FTO: variants seen among roughly 807,000 people sequenced by gnomAD.
FTO encodes the protein FTO alpha-ketoglutarate dependent dioxygenase.
In FTO, 47 loss-of-function variants were observed where a neutral mutation model predicts 63.9. The observed-to-expected ratio is 0.74, with a 90% confidence interval of 0.58 to 0.94. FTO has a LOEUF of 0.94. Ranked by LOEUF, FTO falls within the 40% of genes least tolerant of loss-of-function variation. FTO has a pLI of 0.00. For synonymous variants in FTO, 207 were observed against 224.4 expected (o/e 0.92, Z 0.69); for missense variants, 562 against 618.1 (o/e 0.91, Z 0.96).
intron 8 of FTO, among the ~76,000 whole-genome samples, chr16:54,056,266 T>C (rs2085431416): frequency 6.6e-6 from 1 of 152,230 alleles, no homozygotes; most frequent in African/African-American, 2.4e-5. Context: ...TCTAGTTGTT[T>C]AATACTCAAC....
chr16:54,029,554 T>C (rs907920100), intron 8 of FTO, among the ~76,000 whole-genome samples: 1 of 152,208 alleles, frequency 6.6e-6, no homozygotes, highest in Non-Finnish European at 1.5e-5. Context: ...CATTAGTCCC[T>C]GTAACTCTCT....
chr16:53,872,517 G>A (rs1439292896), intron 4 of FTO, among the ~76,000 whole-genome samples: 1 of 152,122 alleles, frequency 6.6e-6, no homozygotes, highest in East Asian at 1.9e-4. Context: ...AGTAAGTTAG[G>A]GCAATTGTAG....
chr16:54,020,490 A>G (rs35236578), intron 8 of FTO, among the ~76,000 whole-genome samples: 19,578 of 152,186 alleles, frequency 0.13, 1,596 homozygotes, highest in Admixed American at 0.26. Flanking sequence ...TACATGCTCT[A>G]TGATATTACA....
intron 8 of FTO, among the ~76,000 whole-genome samples, chr16:54,017,253 A>G (rs190241160): frequency 1.4e-4 from 21 of 152,350 alleles, no homozygotes; most frequent in African/African-American, 4.6e-4. Flanking sequence ...TTGATACTTC[A>G]TCTTTGCTGC....
intron 8 of FTO, chr16:53,981,912 CAAAAA>C: frequency 1.1e-5 from 1 of 94,300 alleles, no homozygotes; most frequent in Non-Finnish European, 2.3e-5. Flanking sequence ...GCTCTGTTTC[CAAAAA>C]AAAAAAAAAA....
At chr16:54,027,463 A>T (rs1219715107) in intron 8 of FTO, among the ~76,000 whole-genome samples, 2 of 151,564 alleles carry the variant, frequency 1.3e-5, no homozygotes, top group East Asian at 1.9e-4. Context: ...GCGAAAAGAA[A>T]AAAGGACATT....
rs141920596 is a variant in FTO, at chr16:53,844,155, G to A, written c.752G>A (p.Gly251Asp). 44 of 1,613,080 alleles carry A rather than the reference G, an allele frequency of 2.7e-5. No homozygotes were observed. The highest frequency in any genetic ancestry group is 1.6e-4 in the Middle Eastern group (1 of 6,082). ...AVAVYSYSCE[G>D]PEEESEDDSH... is the part of the protein sequence containing the mutation. ...TGATCATTTTCTTCTCTTTTGGCAG[G>A]CCCTGAAGAGGAAAGTGAGGATGAC... Residue 251 changes from glycine to aspartate, a missense_variant and splice_region_variant, in exon 4 of 9, where the codon GGC (glycine) becomes GAC (aspartate). Physicochemically the swap from Gly to Asp is moderately conservative, Grantham distance 94. Transcript: ENST00000471389.
At chr16:53,959,006 G>C (rs1261821463) in intron 8 of FTO, among the ~76,000 whole-genome samples, 1 of 152,188 alleles carries the variant, frequency 6.6e-6, no homozygotes, top group Non-Finnish European at 1.5e-5. Context: ...CATGTATTAT[G>C]AATGTGTTTA....
At chr16:53,715,836 T>C (rs2075882750) in intron 1 of FTO, among the ~76,000 whole-genome samples, 1 of 152,174 alleles carries the variant, frequency 6.6e-6, no homozygotes, top group Admixed American at 6.5e-5. Context: ...AATATGTTGT[T>C]ATAGCTGAAA....
rs532624300 is a variant in FTO at position 54,112,229 on chromosome 16, A to G, written c.*314A>G. The G allele has an allele frequency of 1.0e-5, 4 of 386,914 alleles. No homozygotes were observed. Among genetic ancestry groups the G allele is most frequent in the African/African-American group, 8.3e-5 (4 of 48,348 alleles). The allele number at this position is 386,914 out of a possible 1,614,324, so 24.0% of individuals were successfully genotyped here. A position where few individuals can be genotyped will look rare whatever the true frequency, so the allele number is the denominator to read the frequency against. ...CGAGCCCAGCGTGTGACAAAGCCTAACCTACTTTCCTCTTTCCCAAGCTTT... is the reference window on the plus strand; with the variant it reads ...CGAGCCCAGCGTGTGACAAAGCCTAGCCTACTTTCCTCTTTCCCAAGCTTT... On this transcript the variant is annotated 3_prime_UTR_variant, in exon 9 of 9. Transcript: ENST00000471389.
chr16:53,905,170 T>A (rs1442055400), intron 7 of FTO, among the ~76,000 whole-genome samples: 1 of 152,034 alleles, frequency 6.6e-6, no homozygotes, highest in Non-Finnish European at 1.5e-5. Flanking sequence ...AAAGTGAGCA[T>A]CTGTTGCTGG....
chr16:54,016,427 C>CT (rs2084452006), intron 8 of FTO, among the ~76,000 whole-genome samples: 3 of 152,080 alleles, frequency 2.0e-5, no homozygotes, highest in Admixed American at 2.0e-4. Context: ...ATTTAGGCTG[C>CT]TTTGCTCTTT....
intron 1 of FTO, among the ~76,000 whole-genome samples, chr16:53,755,388 A>G (rs2076898015): frequency 6.6e-6 from 1 of 152,114 alleles, no homozygotes; most frequent in Non-Finnish European, 1.5e-5. Flanking sequence ...TGAGGGAGAA[A>G]GAACATGAGG....
At chr16:54,092,029 C>T (rs1485112712) in intron 8 of FTO, among the ~76,000 whole-genome samples, 9 of 152,192 alleles carry the variant, frequency 5.9e-5, no homozygotes, top group Non-Finnish European at 1.5e-5. Context: ...GTAATCCCAG[C>T]ACTTTGGGAA....
At chr16:53,727,357 T>C (rs2076176632) in intron 1 of FTO, among the ~76,000 whole-genome samples, 1 of 152,234 alleles carries the variant, frequency 6.6e-6, no homozygotes, top group Non-Finnish European at 1.5e-5. Context: ...CTCTATGTAG[T>C]GTTGCAAAGG....
intron 8 of FTO, among the ~76,000 whole-genome samples, chr16:54,096,566 G>A (rs983265109): frequency 1.3e-5 from 2 of 152,206 alleles, no homozygotes; most frequent in African/African-American, 4.8e-5. Context: ...GGAAGTACTG[G>A]AGTCAATGAC....
intron 1 of FTO, among the ~76,000 whole-genome samples, chr16:53,705,047 G>C (rs202144690): frequency 6.6e-6 from 1 of 150,550 alleles, no homozygotes; most frequent in Non-Finnish European, 1.5e-5. Flanking sequence ...CACTACCTTG[G>C]ACCAAGCTAC....
rs1459381199 is a variant in FTO, at chr16:54,112,294, A to G, written c.*379A>G. On this transcript the variant is annotated 3_prime_UTR_variant, in exon 9 of 9. Transcript: ENST00000471389. The stretch of plus-strand genomic sequence containing the variant: ...AGTGGACCCAGCCCTCTGGGGAAAG[A>G]CAGAACTTAGAGACATCCCAGTTAC... 2 of 311,342 alleles carry G rather than the reference A, an allele frequency of 6.4e-6. No individual in the cohort carries two copies. The highest frequency in any genetic ancestry group is 1.2e-5 in the Non-Finnish European group (2 of 161,776). The allele number at this position is 311,342 out of a possible 1,614,324, so 19.3% of individuals were successfully genotyped here.
At chr16:54,043,520 TG>T (rs2085128631) in intron 8 of FTO, among the ~76,000 whole-genome samples, 1 of 16,072 alleles carries the variant, frequency 6.2e-5, no homozygotes, top group Non-Finnish European at 8.0e-5. Flanking sequence ...GGAACCAAGT[TG>T]GAAAACACTC....
Sources: allele counts gnomAD v4.1 joint callset (sites outside exome capture counted in the v4.1 genomes callset), GRCh38; gene constraint gnomAD v4.1.1; transcripts MANE v1.5; gene names NCBI Gene and HGNC (gene_info 2026-07-23, HGNC 2026-07-21).